The following CD55 variants were observed in gnomAD, a reference collection of about 807,000 sequenced individuals.
CD55 encodes complement decay-accelerating factor.
A neutral mutation model predicts 45.8 loss-of-function variants in CD55; 41 were observed. The ratio of observed to expected loss-of-function variants is 0.90; its 90% CI spans 0.70 to 1.16. The LOEUF is 1.16. Among genes scored for constraint, CD55 ranks in the 50% most tolerant of loss-of-function variants. The probability of loss-of-function intolerance (pLI) is 0.00; values close to 1 mark genes in which losing one functional copy is unlikely to be tolerated. For synonymous variants in CD55, 181 were observed against 181.1 expected (o/e 1.00, Z 0.01); for missense variants, 416 against 469.8 (o/e 0.89, Z 1.06).
chr1:207,334,652 A>G (rs1655090252), intron 6 of CD55, among the ~76,000 whole-genome samples: 3 of 151,608 alleles, frequency 2.0e-5, no homozygotes, highest in Non-Finnish European at 4.4e-5. Flanking sequence ...ATAGTCTAAT[A>G]AATATTGTGA....
At chr1:207,329,012 A>G (rs1261910551) in intron 5 of CD55, among the ~76,000 whole-genome samples, 1 of 152,178 alleles carries the variant, frequency 6.6e-6, no homozygotes, top group African/African-American at 2.4e-5. Flanking sequence ...TGTCCACCAC[A>G]TCCACCATAA....
chr1:207,324,816 C>A, intron 3 of CD55, 66 bp downstream of exon 3: 1 of 958,346 alleles, frequency 1.0e-6, no homozygotes, highest in Non-Finnish European at 1.6e-6. Flanking sequence ...TCCCTTCCTT[C>A]ATTCATGCTA....
rs541256819 is a variant in CD55, at chr1:207,327,929, A to G, written c.664+1092A>G. On this transcript the variant is annotated intron_variant, in intron 5 of 9. Coordinates refer to ENST00000367064, the MANE Select transcript of CD55 (RefSeq NM_000574.5). ...ATTGCTACCCAGTAGCACCTTTCCC[A>G]TTTTCGTTGTCCAGTAAGAGACATT... Among the ~76,000 whole-genome samples the G allele has an allele frequency of 1.1e-4, 17 of 151,914 alleles. No individual in the cohort carries two copies. The South Asian group carries it at 2.1e-3, about 19-fold the overall frequency.
Position 207,359,635 on chromosome 1 carries a change from A to C in CD55, c.*25A>C. ...GCCAAAGAAGAGTTAAGAAGAAAAT[A>C]CACACAAGTATACAGACTGTTCCTA... On this transcript the variant is annotated 3_prime_UTR_variant, in exon 10 of 10. Transcript: ENST00000367064. 1 of 1,579,176 alleles carries C rather than the reference A, an allele frequency of 6.3e-7. No individual in the cohort carries two copies. Among genetic ancestry groups the C allele is most frequent in the Non-Finnish European group, 8.6e-7 (1 of 1,167,872 alleles).
chr1:207,337,658 G>T lies in CD55; in HGVS notation c.1060+249G>T, dbSNP rs370142503. 2,130 of 310,946 alleles carry T rather than the reference G, an allele frequency of 6.9e-3. 8 individuals are homozygous for T. Among genetic ancestry groups the T allele is most frequent in the Middle Eastern group, 8.9e-3 (10 of 1,120 alleles). 19.3% of individuals were successfully genotyped at this position (310,946 alleles called of 1,614,324 possible). On this transcript the variant is annotated intron_variant, in intron 8 of 9. Coordinates refer to ENST00000367064, the MANE Select transcript of CD55 (RefSeq NM_000574.5). ...TTAAAAAAATGCTAAATTAAGATTG[G>T]TAAAAAAAAAAAAATTCTGTTTCCT...
At chr1:207,343,479 G>A (rs1199289804) in intron 9 of CD55, among the ~76,000 whole-genome samples, 1 of 152,010 alleles carries the variant, frequency 6.6e-6, no homozygotes, top group African/African-American at 2.4e-5. Context: ...TATTTGTACG[G>A]TTTCCAAAGT....
chr1:207,323,286 G>T (rs945762264), intron 2 of CD55, among the ~76,000 whole-genome samples: 2 of 151,226 alleles, frequency 1.3e-5, no homozygotes, highest in African/African-American at 4.9e-5. Context: ...TATATATATA[G>T]GGAGAGAGAT....
chr1:207,331,208 A>G lies in CD55; in HGVS notation c.765A>G (p.Lys255=). 1 of 1,613,662 alleles carries G rather than the reference A, an allele frequency of 6.2e-7. No individual in the cohort carries two copies. The highest frequency in any genetic ancestry group is 8.5e-7 in the Non-Finnish European group (1 of 1,179,548). The change falls in exon 6 of 10, where the codon AAA becomes AAG. Residue 255 remains lysine, a synonymous_variant. Coordinates refer to ENST00000367064, the MANE Select transcript of CD55 (RefSeq NM_000574.5). Reference sequence around the variant, plus strand: ...AGTCTGTAACGTATGCATGTAATAAAGGATTCACCATGATTGGAGAGCACT... The same window carrying G: ...AGTCTGTAACGTATGCATGTAATAAGGGATTCACCATGATTGGAGAGCACT... The part of the protein sequence containing the change: ...YRQSVTYACN[K]GFTMIGEHSI...
intron 2 of CD55, among the ~76,000 whole-genome samples, chr1:207,323,692 A>G (rs1654537027): frequency 6.6e-6 from 1 of 152,228 alleles, no homozygotes; most frequent in South Asian, 2.1e-4. Context: ...TTTAGAAGCC[A>G]TGCGTGAAAT....
intron 9 of CD55, among the ~76,000 whole-genome samples, chr1:207,346,960 C>A (rs1192203046): frequency 6.6e-6 from 1 of 152,174 alleles, no homozygotes; most frequent in Non-Finnish European, 1.5e-5. Flanking sequence ...CTCTCACTTA[C>A]TCTTTTCCTG....
At chr1:207,353,956 TC>T in intron 9 of CD55, 1 of 1,513,498 alleles carries the variant, frequency 6.6e-7, no homozygotes, top group Non-Finnish European at 8.9e-7. Context: ...ACAAAACCTT[TC>T]CATAACTTTT....
At position 207,321,779 on chromosome 1, in the gene CD55, G is replaced by A. The variant is rs1654411978; in HGVS notation, c.14G>A (p.Arg5Gln). Residue 5 changes from arginine (R) to glutamine (Q), a missense_variant, in exon 1 of 10, where the codon CGG becomes CAG. Arg to Gln is a conservative substitution (Grantham distance 43). This residue lies in a region of CD55 where 123 missense variants were observed against 105.1 expected (regional missense o/e 1.17). Coordinates refer to ENST00000367064, the MANE Select transcript of CD55 (RefSeq NM_000574.5). MTVA[R>Q]PSVPAALPLL... Reference sequence around the variant, plus strand: ...ACCCGGCGCGCCATGACCGTCGCGCGGCCGAGCGTGCCCGCGGCGCTGCCC... The same window carrying A: ...ACCCGGCGCGCCATGACCGTCGCGCAGCCGAGCGTGCCCGCGGCGCTGCCC... The A allele has an allele frequency of 3.3e-6, 5 of 1,519,542 alleles. No individual in the cohort carries two copies. The highest frequency in any genetic ancestry group is 4.4e-6 in the Non-Finnish European group (5 of 1,140,052). The allele number at this position is 1,519,542 out of a possible 1,614,324, so 94.1% of individuals were successfully genotyped here. A position where few individuals can be genotyped will look rare whatever the true frequency, so the allele number is the denominator to read the frequency against.
intron 9 of CD55, among the ~76,000 whole-genome samples, chr1:207,357,108 A>G (rs546659499): frequency 1.3e-5 from 2 of 152,200 alleles, no homozygotes; most frequent in African/African-American, 2.4e-5. Context: ...TAAGCCTATT[A>G]TAAGTTAAAG....
chr1:207,324,411 G>A (rs991230003), intron 2 of CD55, 148 bp from the exon 3 acceptor site: 4 of 455,184 alleles, frequency 8.8e-6, no homozygotes, highest in African/African-American at 8.0e-5. Context: ...TACATTGCAA[G>A]TGCCATGGTG....
chr1:207,352,995 A>G (rs1655929410), intron 9 of CD55, among the ~76,000 whole-genome samples: 1 of 146,634 alleles, frequency 6.8e-6, no homozygotes, highest in Admixed American at 6.8e-5. Context: ...TCACAGAGCT[A>G]GTAGGCAATA....
intron 7 of CD55, 150 bp downstream of exon 7, chr1:207,336,968 C>A: frequency 2.3e-6 from 2 of 864,366 alleles, no homozygotes; most frequent in Non-Finnish European, 1.8e-6. Flanking sequence ...AATAAATGTT[C>A]CAGCTACAGG....
At chr1:207,335,395 A>G (rs1164252139) in intron 6 of CD55, among the ~76,000 whole-genome samples, 1 of 152,188 alleles carries the variant, frequency 6.6e-6, no homozygotes, top group African/African-American at 2.4e-5. Context: ...ATTGCAAAAG[A>G]TTGAAGTTAT....
chr1:207,349,596 C>G (rs926814321), intron 9 of CD55, among the ~76,000 whole-genome samples: 17 of 152,158 alleles, frequency 1.1e-4, no homozygotes, highest in African/African-American at 4.1e-4. Context: ...AGATCATTCA[C>G]CTCCCTGGTT....
chr1:207,337,506 T>C, intron 8 of CD55, 97 bp downstream of exon 8: 1 of 720,970 alleles, frequency 1.4e-6, no homozygotes, highest in Non-Finnish European at 2.5e-6. Flanking sequence ...TGGTCTCTAA[T>C]TTATTGTAGC....
Sources: allele counts gnomAD v4.1 joint callset (sites outside exome capture counted in the v4.1 genomes callset), GRCh38; gene constraint gnomAD v4.1.1; regional missense constraint gnomAD v4.1.1; transcripts MANE v1.5; gene names NCBI Gene and HGNC (gene_info 2026-07-23, HGNC 2026-07-21).